ACACB: variants seen among roughly 807,000 people sequenced by gnomAD.
The protein encoded by ACACB is acetyl-CoA carboxylase 2.
In ACACB, 209 loss-of-function variants were observed where a neutral mutation model predicts 278.8. The observed-to-expected ratio is 0.75, with a 90% CI of 0.67 to 0.84. ACACB has a LOEUF of 0.84. Among genes scored for constraint, ACACB ranks in the 40% least tolerant of loss-of-function variants. ACACB has a pLI of 0.00. For synonymous variants in ACACB, 1,174 were observed against 1,285.6 expected (o/e 0.91, Z 1.86); for missense variants, 2,850 against 3,269.0 (o/e 0.87, Z 3.13).
At position 109,262,459 on chromosome 12, in the gene ACACB, G is replaced by A. The variant is rs763597132; in HGVS notation, c.6777G>A (p.Met2259Ile). 1 of 1,612,756 alleles carries A rather than the reference G, an allele frequency of 6.2e-7. No homozygotes were observed. Among genetic ancestry groups the A allele is most frequent in the African/African-American group, 1.3e-5 (1 of 75,026 alleles). ...TCGATCCAGCTTACAAGAAGCTCATGGAACAGCTAGGTAAGGGGGTCCCAA... is the reference window on the plus strand; with the variant it reads ...TCGATCCAGCTTACAAGAAGCTCATAGAACAGCTAGGTAAGGGGGTCCCAA... ...RRIDPAYKKL[M>I]EQLGEPDLSD... The change falls in exon 49 of 53, where the codon ATG becomes ATA. Residue 2259 changes from methionine (M) to isoleucine (I), a missense_variant. Physicochemically the swap from Met to Ile is conservative, Grantham distance 10 (BLOSUM62 1). Coordinates refer to ENST00000338432, the MANE Select transcript of ACACB (RefSeq NM_001093.4).
At chr12:109,238,419 TATA>T (rs1231628489) in intron 34 of ACACB, among the ~76,000 whole-genome samples, 1 of 138,532 alleles carries the variant, frequency 7.2e-6, no homozygotes, top group Non-Finnish European at 1.5e-5. Flanking sequence ...TATATAATAA[TATA>T]TATAATATAT....
chr12:109,176,902 C>T (rs1342621243), intron 9 of ACACB, among the ~76,000 whole-genome samples: 1 of 152,224 alleles, frequency 6.6e-6, no homozygotes, highest in Non-Finnish European at 1.5e-5. Flanking sequence ...CAGGTGTGAT[C>T]CGCTGCGCCC....
intron 2 of ACACB, among the ~76,000 whole-genome samples, chr12:109,144,032 G>A (rs1362365660): frequency 6.6e-6 from 1 of 152,008 alleles, no homozygotes; most frequent in Non-Finnish European, 1.5e-5. Context: ...ATAAAATGAG[G>A]CCAGGTAAGG....
rs1308660245 is a variant in ACACB, at chr12:109,202,990, A to T, written c.2913+1289A>T. Among the ~76,000 whole-genome samples, 5 of 152,282 alleles carry T rather than the reference A, an allele frequency of 3.3e-5. No individual in the cohort carries two copies. In the East Asian group the frequency reaches 9.7e-4, roughly 29 times the overall value. ...CCAGCACTTGCAAAACTGAAACTTG[A>T]CACTCGTTAAATGGTAACTCCTGAG... On this transcript the variant is annotated intron_variant, in intron 19 of 52. Transcript: ENST00000338432.
At chr12:109,209,100 T>C (rs2045603589) in intron 20 of ACACB, 65 bp from the exon 21 acceptor site, 2 of 1,502,320 alleles carry the variant, frequency 1.3e-6, no homozygotes, top group Non-Finnish European at 9.0e-7. Flanking sequence ...TTGGGTGCCC[T>C]GTTTGGGGCG....
chr12:109,260,360 A>G (rs1462613295), intron 47 of ACACB, 120 bp from the exon 48 acceptor site: 1 of 1,305,080 alleles, frequency 7.7e-7, no homozygotes, highest in Non-Finnish European at 1.1e-6. Context: ...ATCCCAGCCC[A>G]GTGCTCTCCA....
At chr12:109,190,301 TG>T (rs1380128277) in intron 13 of ACACB, among the ~76,000 whole-genome samples, 1 of 152,166 alleles carries the variant, frequency 6.6e-6, no homozygotes, top group Non-Finnish European at 1.5e-5. Context: ...TTGGTCAGGC[TG>T]GTCTCGAACT....
At chr12:109,187,595 G>A (rs1002916256) in intron 12 of ACACB, among the ~76,000 whole-genome samples, 1 of 151,862 alleles carries the variant, frequency 6.6e-6, no homozygotes, top group Non-Finnish European at 1.5e-5. Flanking sequence ...AAGTAGCTGG[G>A]ACTACAGGTG....
In ACACB at chr12:109,216,018, T is replaced by TG; in HGVS notation, c.3351-599dup. On this transcript the variant is annotated intron_variant, in intron 22 of 52. Coordinates refer to ENST00000338432, the MANE Select transcript of ACACB (RefSeq NM_001093.4). ...CTCACCTTGTTGCCCAGGCTGCTCT[T>TG]GAACTTCTGAGCTCAAATGATACTC... 3.9e-5 allele frequency among the ~76,000 whole-genome samples: 6 copies of TG among 152,094 alleles called. 1 individual carries two copies. Among genetic ancestry groups the TG allele is most frequent in the Admixed American group, 3.9e-4 (6 of 15,258 alleles).
At chr12:109,125,604 C>A (rs1345339734) in intron 1 of ACACB, 1 of 151,846 alleles carries the variant, frequency 6.6e-6, no homozygotes, top group Non-Finnish European at 1.5e-5. Flanking sequence ...AATCACTTAG[C>A]GCAATGCTTG....
intron 48 of ACACB, among the ~76,000 whole-genome samples, 162 bp downstream of exon 48, chr12:109,260,819 A>G (rs1243795713): frequency 6.6e-6 from 1 of 152,210 alleles, no homozygotes; most frequent in Non-Finnish European, 1.5e-5. Context: ...TTCCCAAGGA[A>G]GTTTGCAATC....
In ACACB at chr12:109,254,316, G is replaced by A; in HGVS notation, c.6148G>A (p.Ala2050Thr). ...TCCCTACGACCCCCGGTGGATGCTTGCAGGAAGGCCTCACCCAAGTAAGTT... is the reference window on the plus strand; with the variant it reads ...TCCCTACGACCCCCGGTGGATGCTTACAGGAAGGCCTCACCCAAGTAAGTT... ...RAPYDPRWML[A>T]GRPHPTLKGT... The change falls in exon 44 of 53, where the codon GCA becomes ACA. Residue 2050 changes from alanine (A) to threonine (T), a missense_variant. Ala to Thr is a moderately conservative substitution (Grantham distance 58, BLOSUM62 0). This residue lies in a region of ACACB where 579 missense variants were observed against 684.6 expected (regional missense o/e 0.85). Transcript: ENST00000338432. The A allele has an allele frequency of 6.2e-7, 1 of 1,613,010 alleles. No individual in the cohort carries two copies. Among genetic ancestry groups the A allele is most frequent in the Non-Finnish European group, 8.5e-7 (1 of 1,179,658 alleles).
intron 22 of ACACB, 118 bp downstream of exon 22, chr12:109,213,054 A>AT (rs1422518692): frequency 1.2e-6 from 1 of 809,658 alleles, no homozygotes; most frequent in African/African-American, 1.7e-5. Context: ...AAAGTGTGTT[A>AT]TAGTCCTGCA....
At position 109,171,872 on chromosome 12, in the gene ACACB, C is replaced by A. The variant is rs201273973; in HGVS notation, c.993C>A (p.Asn331Lys). ...GGCCCAATAACAACAACTATGCCAACGTGGAGCTGATTGTGGACATTGCCA... is the reference window on the plus strand; with the variant it reads ...GGCCCAATAACAACAACTATGCCAAAGTGGAGCTGATTGTGGACATTGCCA... ...PGGPNNNNYA[N>K]VELIVDIAKR... The change falls in exon 5 of 53, where the codon AAC (asparagine) becomes AAA (lysine). Residue 331 changes from asparagine (N) to lysine (K), a missense_variant. Asn to Lys is a moderately conservative substitution (Grantham distance 94, BLOSUM62 0). Around this residue, in one of 3 missense-constraint regions of ACACB, gnomAD observed 2,265 missense variants for 2,561.3 expected, o/e 0.88. Transcript: ENST00000338432. 2 of 1,614,116 alleles carry A rather than the reference C, an allele frequency of 1.2e-6. No individual in the cohort carries two copies. Among genetic ancestry groups the A allele is most frequent in the Admixed American group, 3.3e-5 (2 of 60,012 alleles).
rs565847421 is a variant in ACACB at position 109,246,462 on chromosome 12, C to T, written c.5571+14C>T. 1.2e-6 allele frequency: 2 copies of T among 1,605,638 alleles called. No homozygotes were observed. Among genetic ancestry groups the T allele is most frequent in the Admixed American group, 1.7e-5 (1 of 59,854 alleles). ...GACCCCCACAAAGTACGTCGTGAAA[C>T]TGGCGGGGCAGGGTGATTCTGCTCA... On this transcript the variant is annotated intron_variant, in intron 39 of 52. Transcript: ENST00000338432.
chr12:109,164,048 C>A (rs1325165013), intron 2 of ACACB, among the ~76,000 whole-genome samples: 1 of 152,184 alleles, frequency 6.6e-6, no homozygotes, highest in African/African-American at 2.4e-5. Context: ...CAGACACATA[C>A]TTGAGCTCAT....
chr12:109,175,838 G>C, intron 7 of ACACB, 93 bp from the exon 8 acceptor site: 1 of 1,055,080 alleles, frequency 9.5e-7, no homozygotes, highest in Non-Finnish European at 1.5e-6. Flanking sequence ...CCCAGGTCTA[G>C]CACTATGTCA....
chr12:109,167,043 G>T lies in ACACB; in HGVS notation c.786+50G>T, dbSNP rs769576893. On this transcript the variant is annotated intron_variant, in intron 3 of 52. Transcript: ENST00000338432. ...GGTGGGGTCCGATTGGGGTGCAGGGGCCCCTCCTCTCAGCTGGAGGTGGGA... is the reference window on the plus strand; with the variant it reads ...GGTGGGGTCCGATTGGGGTGCAGGGTCCCCTCCTCTCAGCTGGAGGTGGGA... The T allele has an allele frequency of 2.5e-6, 4 of 1,610,002 alleles. No individual in the cohort carries two copies. The African/African-American group carries it at 4.0e-5, about 16-fold the overall frequency.
chr12:109,245,769 A>C lies in ACACB; in HGVS notation c.5301+21A>C, dbSNP rs753656712. The C allele has an allele frequency of 3.1e-6, 5 of 1,612,472 alleles. No individual in the cohort carries two copies. In the Admixed American group the frequency reaches 5.0e-5, roughly 16 times the overall value. The stretch of plus-strand genomic sequence containing the variant: ...ATGAGGTAATAGCTCAGCGGAGCCT[A>C]ACCCCTGGCTGGAGTCACCCCCTTA... On this transcript the variant is annotated intron_variant, in intron 38 of 52. Transcript: ENST00000338432.
Sources: gnomAD v4.1 joint callset for allele counts (sites outside exome capture counted in the v4.1 genomes callset) on GRCh38, gnomAD v4.1.1 for gene constraint, gnomAD v4.1.1 regional missense constraint, MANE v1.5 for transcripts, NCBI Gene and HGNC (gene_info 2026-07-23, HGNC 2026-07-21) for gene names.